The following PDLIM1 variants were observed in gnomAD, a reference collection of about 807,000 sequenced individuals.
The protein encoded by PDLIM1 is PDZ and LIM domain protein 1.
A neutral mutation model predicts 35.2 loss-of-function variants in PDLIM1; 25 were observed. That is an observed-to-expected ratio of 0.71 (90% CI 0.52 to 0.99). PDLIM1 has a LOEUF of 0.99. PDLIM1 is among the 50% of genes least tolerant of loss of function. PDLIM1 has a pLI of 0.00. For missense variants in PDLIM1, 363 were observed against 415.3 expected (o/e 0.87, Z 1.09); for synonymous variants, 152 against 154.0 (o/e 0.99, Z 0.10).
chr10:95,264,453 T>C (rs2035395478), intron 3 of PDLIM1, among the ~76,000 whole-genome samples: 1 of 152,190 alleles, frequency 6.6e-6, no homozygotes, highest in Non-Finnish European at 1.5e-5. Flanking sequence ...AAGAGAAATA[T>C]GCAGTCACTT....
At chr10:95,254,978 G>C (rs1469234745) in intron 4 of PDLIM1, among the ~76,000 whole-genome samples, 1 of 151,938 alleles carries the variant, frequency 6.6e-6, no homozygotes, top group Non-Finnish European at 1.5e-5. Flanking sequence ...TAATACCACA[G>C]AAATAAGGAT....
intron 1 of PDLIM1, among the ~76,000 whole-genome samples, chr10:95,277,221 GA>G (rs914647983): frequency 3.3e-4 from 48 of 144,882 alleles, no homozygotes; most frequent in East Asian, 6.1e-4. Flanking sequence ...CTCAGAACAA[GA>G]AAAAAAAAAA....
intron 1 of PDLIM1, among the ~76,000 whole-genome samples, chr10:95,286,138 C>G (rs2035600040): frequency 6.6e-6 from 1 of 152,186 alleles, no homozygotes; most frequent in Non-Finnish European, 1.5e-5. Context: ...GGGCAGGTCA[C>G]TTGAGGCCAG....
chr10:95,290,883 C>T lies in PDLIM1; in HGVS notation c.33G>A (p.Pro11=). 6.4e-7 allele frequency: 1 copy of T among 1,563,696 alleles called. No homozygotes were observed. The stretch of plus-strand genomic sequence containing the variant: ...CCACGAGGCGGAAGCCCCACGGCCC[C>T]GGGCCCTGGAGGTCTATCTGCTGGG... MTTQQIDLQG[P]GPWGFRLVGG... is the part of the protein sequence containing the mutation. The change falls in exon 1 of 7, where the codon CCG becomes CCA. Residue 11 remains proline, a synonymous_variant. Transcript: ENST00000329399. This position sits in a 1 kb window ranked among gnomAD's most constrained non-coding sequence, Gnocchi z 4.7.
At chr10:95,265,317 G>A (rs1332892272) in intron 3 of PDLIM1, among the ~76,000 whole-genome samples, 2 of 152,090 alleles carry the variant, frequency 1.3e-5, no homozygotes, top group African/African-American at 2.4e-5. Context: ...CTTTTGGGCC[G>A]AGCGTGGTGG....
At chr10:95,278,514 G>T (rs1314078252) in intron 1 of PDLIM1, among the ~76,000 whole-genome samples, 1 of 152,036 alleles carries the variant, frequency 6.6e-6, no homozygotes, top group Non-Finnish European at 1.5e-5. Flanking sequence ...GGTAGTAGGG[G>T]CCTAAAGGTG....
chr10:95,267,159 TTTTGTAATCTGAAGAGAA>T (rs2035423610), intron 3 of PDLIM1, among the ~76,000 whole-genome samples: 1 of 152,198 alleles, frequency 6.6e-6, no homozygotes, highest in Admixed American at 6.5e-5. Flanking sequence ...ATTTGAGAAT[TTTTGTAATCTGAAGAGAA>T]CTACCTTCAA....
At chr10:95,263,111 C>T (rs2035380018) in intron 4 of PDLIM1, among the ~76,000 whole-genome samples, 1 of 150,866 alleles carries the variant, frequency 6.6e-6, no homozygotes, top group Non-Finnish European at 1.5e-5. Flanking sequence ...AACCACTGTA[C>T]TCCAGCCTGG....
At position 95,261,946 on chromosome 10, in the gene PDLIM1, TGTG is replaced by T. The variant is rs1458797953; in HGVS notation, c.533+1915_533+1917del. On this transcript the variant is annotated intron_variant, in intron 4 of 6. Coordinates refer to ENST00000329399, the MANE Select transcript of PDLIM1 (RefSeq NM_020992.4). ...TCGCTTGAACCCGGGAGGCGGAGGT[TGTG>T]GTGAGCAGAGATCACTCCATTGCAC... 2.0e-5 allele frequency among the ~76,000 whole-genome samples: 3 copies of T among 150,884 alleles called. No individual in the cohort carries two copies. The East Asian group carries it at 5.8e-4, about 29-fold the overall frequency.
intron 1 of PDLIM1, among the ~76,000 whole-genome samples, chr10:95,277,982 C>T (rs1304967040): frequency 6.6e-6 from 1 of 152,230 alleles, no homozygotes; most frequent in African/African-American, 2.4e-5. Flanking sequence ...AATGACACTA[C>T]TATCATACAG....
At chr10:95,277,871 T>A (rs2035526350) in intron 1 of PDLIM1, among the ~76,000 whole-genome samples, 1 of 152,226 alleles carries the variant, frequency 6.6e-6, no homozygotes, top group Non-Finnish European at 1.5e-5. Flanking sequence ...CATAAGAAGG[T>A]GTTTGAAGTT....
Position 95,263,968 on chromosome 10 carries a change from C to T in PDLIM1, c.429G>A (p.Gln143=), listed in dbSNP as rs192099405. The T allele has an allele frequency of 2.5e-6, 4 of 1,613,880 alleles. No individual in the cohort carries two copies. The highest frequency in any genetic ancestry group is 3.4e-6 in the Non-Finnish European group (4 of 1,179,894). The change falls in exon 4 of 7, where the codon CAG becomes CAA. Residue 143 remains glutamine, a synonymous_variant. Coordinates refer to ENST00000329399, the MANE Select transcript of PDLIM1 (RefSeq NM_020992.4). ...SSTTARVITN[Q]YNNPAGLYSS... ...AGTAGAGGCCAGCTGGGTTGTTGTA[C>T]TGGTTTGTGATGACCCTGGCAGTAG...
intron 1 of PDLIM1, among the ~76,000 whole-genome samples, chr10:95,286,886 A>G (rs971701933): frequency 1.3e-5 from 2 of 152,190 alleles, no homozygotes; most frequent in African/African-American, 4.8e-5. Context: ...GTACACAGCA[A>G]TTCCTTGGTG....
At chr10:95,269,962 C>G (rs1200766846) in intron 2 of PDLIM1, among the ~76,000 whole-genome samples, 1 of 152,082 alleles carries the variant, frequency 6.6e-6, no homozygotes, top group African/African-American at 2.4e-5. Flanking sequence ...GTCTTGAACT[C>G]CTAACCTCAG....
At chr10:95,239,449 A>T (rs1465131797) in intron 5 of PDLIM1, among the ~76,000 whole-genome samples, 1 of 152,224 alleles carries the variant, frequency 6.6e-6, no homozygotes, top group Non-Finnish European at 1.5e-5. Context: ...CAATCTATCC[A>T]TCTGACAAAG....
intron 1 of PDLIM1, among the ~76,000 whole-genome samples, chr10:95,283,999 G>C (rs1000793711): frequency 6.6e-6 from 1 of 152,150 alleles, no homozygotes; most frequent in Non-Finnish European, 1.5e-5. Context: ...GTGTGTGTGT[G>C]TGTGTGTGTG....
intron 4 of PDLIM1, among the ~76,000 whole-genome samples, chr10:95,261,798 C>T (rs985273298): frequency 6.6e-6 from 1 of 152,070 alleles, no homozygotes; most frequent in Non-Finnish European, 1.5e-5. Flanking sequence ...CACCTGAGGT[C>T]GGGAGTTTGA....
intron 4 of PDLIM1, among the ~76,000 whole-genome samples, chr10:95,249,881 T>A (rs1472632181): frequency 1.3e-5 from 2 of 152,180 alleles, no homozygotes; most frequent in Non-Finnish European, 2.9e-5. Context: ...GCAAGATTCA[T>A]GGGTTGGTCA....
At chr10:95,267,711 C>T (rs989288541) in intron 3 of PDLIM1, among the ~76,000 whole-genome samples, 2 of 152,072 alleles carry the variant, frequency 1.3e-5, no homozygotes, top group Non-Finnish European at 2.9e-5. Flanking sequence ...ACTAATATAC[C>T]AAGTGAGTTC....
Sources: allele counts gnomAD v4.1 joint callset (sites outside exome capture counted in the v4.1 genomes callset), GRCh38; gene constraint gnomAD v4.1.1; non-coding constraint Gnocchi (gnomAD v3.1); transcripts MANE v1.5; gene names NCBI Gene and HGNC (gene_info 2026-07-23, HGNC 2026-07-21).